NRXN1: variants seen among roughly 807,000 people sequenced by gnomAD.
The protein encoded by NRXN1 is neurexin-1.
NRXN1 carries 39 observed loss-of-function variants against 150.9 expected under a neutral mutation model. The observed-to-expected ratio is 0.26, with a 90% confidence interval of 0.20 to 0.34. The LOEUF (loss-of-function observed/expected upper bound fraction) is 0.34. Ranked by LOEUF, NRXN1 falls within the 10% of genes least tolerant of loss-of-function variation. The pLI is 1.00. For missense variants in NRXN1, 1,815 were observed against 1,949.9 expected, an observed-to-expected ratio of 0.93 and a Z score of 1.30; for synonymous variants, 924 against 757.0, an observed-to-expected ratio of 1.22 and a Z score of -3.62.
chr2:50,864,265 A>T (rs763408109), intron 5 of NRXN1, among the ~76,000 whole-genome samples: 1 of 152,030 alleles, frequency 6.6e-6, no homozygotes, highest in Non-Finnish European at 1.5e-5. Flanking sequence ...GTGGTAAGCA[A>T]AATCAGACAT....
At chr2:50,922,203 T>G (rs1169260346) in intron 4 of NRXN1, among the ~76,000 whole-genome samples, 1 of 151,826 alleles carries the variant, frequency 6.6e-6, no homozygotes, top group Non-Finnish European at 1.5e-5. Flanking sequence ...TACTCAGCAT[T>G]CTACAAGCCA....
chr2:50,383,574 C>T lies in NRXN1; in HGVS notation c.3364+81868G>A, dbSNP rs1200346132. On this transcript the variant is annotated intron_variant, in intron 17 of 22. Coordinates refer to ENST00000401669, the MANE Select transcript of NRXN1 (RefSeq NM_001330078.2). ...GTGATCAAAATATATTTTAAGGATT[C>T]CCTTCAATTGTGCATTGGCCACACC... Among the ~76,000 whole-genome samples the T allele has an allele frequency of 2.0e-5, 3 of 152,092 alleles. No homozygotes were observed. The East Asian group carries it at 5.8e-4, about 29-fold the overall frequency.
intron 21 of NRXN1, among the ~76,000 whole-genome samples, chr2:50,020,042 A>G (rs1687328683): frequency 6.9e-6 from 1 of 144,590 alleles, no homozygotes; most frequent in South Asian, 2.1e-4. Flanking sequence ...AGGAGCATGT[A>G]GTGCACTATT....
intron 13 of NRXN1, among the ~76,000 whole-genome samples, chr2:50,505,558 T>C (rs988117325): frequency 6.6e-6 from 1 of 152,192 alleles, no homozygotes; most frequent in African/African-American, 2.4e-5. Context: ...AATTCATTCC[T>C]CTTCAAAGAA....
intron 21 of NRXN1, among the ~76,000 whole-genome samples, chr2:50,049,849 G>T (rs1207953059): frequency 7.9e-5 from 12 of 152,008 alleles, no homozygotes; most frequent in Admixed American, 7.9e-4. Flanking sequence ...GAATCTCAAA[G>T]AACTTTATAC....
At chr2:50,031,444 C>T (rs940015012) in intron 21 of NRXN1, among the ~76,000 whole-genome samples, 1 of 152,018 alleles carries the variant, frequency 6.6e-6, no homozygotes. Flanking sequence ...ATTACAATTT[C>T]AGAAATTATC....
intron 18 of NRXN1, among the ~76,000 whole-genome samples, chr2:50,100,090 TA>T (rs1251349340): frequency 6.6e-6 from 1 of 152,092 alleles, no homozygotes; most frequent in African/African-American, 2.4e-5. Flanking sequence ...CTTCAAAATT[TA>T]AAAAAATAGA....
chr2:50,227,619 G>T (rs2064526545), intron 18 of NRXN1, among the ~76,000 whole-genome samples: 2 of 152,136 alleles, frequency 1.3e-5, no homozygotes, highest in South Asian at 4.1e-4. Context: ...GAAGCCAGAG[G>T]TTGAAACACC....
chr2:50,369,738 A>G (rs2079872848), intron 17 of NRXN1, among the ~76,000 whole-genome samples: 2 of 151,996 alleles, frequency 1.3e-5, no homozygotes, highest in South Asian at 4.1e-4. Context: ...CAGCTCCAGG[A>G]AGAGTGGCTA....
chr2:50,258,709 AATCACT>A (rs1445583560), intron 17 of NRXN1, among the ~76,000 whole-genome samples: 1 of 152,070 alleles, frequency 6.6e-6, no homozygotes. Flanking sequence ...ACATCATAGG[AATCACT>A]ATCTATGGCA....
chr2:50,008,944 A>G (rs528878839), intron 21 of NRXN1, among the ~76,000 whole-genome samples: 1 of 152,284 alleles, frequency 6.6e-6, no homozygotes, highest in South Asian at 2.1e-4. Flanking sequence ...AAGAGTTGAT[A>G]AATTTCTTCA....
At chr2:50,511,651 T>C (rs144306540) in intron 12 of NRXN1, among the ~76,000 whole-genome samples, 19 of 152,282 alleles carry the variant, frequency 1.2e-4, no homozygotes, top group Non-Finnish European at 2.6e-4. Flanking sequence ...TACCCATCCA[T>C]AAATTCAAGG....
intron 19 of NRXN1, among the ~76,000 whole-genome samples, chr2:50,088,911 A>C (rs929008653): frequency 6.4e-4 from 97 of 152,208 alleles, no homozygotes; most frequent in African/African-American, 2.3e-3. Flanking sequence ...AAATATAGTA[A>C]AATTGGGGCA....
At chr2:50,922,709 A>G in intron 3 of NRXN1, 22 bp from the exon 4 acceptor site, 1 of 1,609,450 alleles carries the variant, frequency 6.2e-7, no homozygotes, top group African/African-American at 1.3e-5. Flanking sequence ...ACAAGAGCAC[A>G]GTCAGCAATA....
chr2:50,870,086 G>T (rs1484437979), intron 5 of NRXN1, among the ~76,000 whole-genome samples: 13 of 151,652 alleles, frequency 8.6e-5, no homozygotes, highest in Non-Finnish European at 5.9e-5. Flanking sequence ...TCATAATTTT[G>T]CCAATAGGTA....
At chr2:50,670,638 G>A (rs924023016) in intron 5 of NRXN1, among the ~76,000 whole-genome samples, 6 of 151,776 alleles carry the variant, frequency 4.0e-5, no homozygotes, top group African/African-American at 1.2e-4. Context: ...TTCTTATTCT[G>A]TACCTGGATC....
intron 21 of NRXN1, among the ~76,000 whole-genome samples, chr2:49,964,616 G>C (rs753398646): frequency 6.6e-6 from 1 of 151,914 alleles, no homozygotes; most frequent in Admixed American, 6.6e-5. Flanking sequence ...AAGGCAGGTG[G>C]ATTGCCTGAG....
At position 50,959,201 on chromosome 2, in the gene NRXN1, G is replaced by T. The variant is rs561996349; in HGVS notation, c.773-33246C>A. 1.9e-4 allele frequency among the ~76,000 whole-genome samples: 29 copies of T among 152,108 alleles called. No homozygotes were observed. In the East Asian group the frequency reaches 4.8e-3, roughly 25 times the overall value. ...AACCCCTTTGGAAAGCAGTCTGGTA[G>T]GTTCTTAAAATGTTAAATATACAGT... On this transcript the variant is annotated intron_variant, in intron 2 of 22. Transcript: ENST00000401669.
intron 17 of NRXN1, among the ~76,000 whole-genome samples, chr2:50,402,194 T>C (rs1381959755): frequency 1.3e-5 from 2 of 152,134 alleles, no homozygotes; most frequent in Non-Finnish European, 2.9e-5. Flanking sequence ...TCTAGGTACC[T>C]AGGGATCAAA....
Sources: gnomAD v4.1 joint callset for allele counts (sites outside exome capture counted in the v4.1 genomes callset) on GRCh38, gnomAD v4.1.1 for gene constraint, MANE v1.5 for transcripts, NCBI Gene and HGNC (gene_info 2026-07-23, HGNC 2026-07-21) for gene names.